The following USH2A variants were observed in gnomAD, a reference collection of about 807,000 sequenced individuals.
USH2A encodes the protein Usher syndrome 2A (autosomal recessive, mild).
USH2A carries 443 observed loss-of-function variants against 538.9 expected under a neutral mutation model. That is an observed-to-expected ratio of 0.82 (90% CI 0.76 to 0.89). The LOEUF (loss-of-function observed/expected upper bound fraction) is 0.89. Among genes scored for constraint, USH2A ranks in the 40% least tolerant of loss-of-function variants. The pLI is 0.00. For synonymous variants in USH2A, 2,413 were observed against 2,273.5 expected (o/e 1.06, Z -1.75); for missense variants, 6,633 against 6,324.8 (o/e 1.05, Z -1.65).
At chr1:215,714,063 T>A (rs1320899763) in intron 61 of USH2A, among the ~76,000 whole-genome samples, 1 of 152,206 alleles carries the variant, frequency 6.6e-6, no homozygotes, top group Non-Finnish European at 1.5e-5. Context: ...CCATAATATG[T>A]TTTATGTGGA....
intron 3 of USH2A, among the ~76,000 whole-genome samples, chr1:216,412,742 C>T (rs2039510552): frequency 6.7e-6 from 1 of 150,192 alleles, no homozygotes; most frequent in Non-Finnish European, 1.5e-5. Context: ...ATTTTAAAAA[C>T]TATTATTTAG....
intron 40 of USH2A, among the ~76,000 whole-genome samples, chr1:215,891,357 G>A (rs1166519182): frequency 1.3e-5 from 2 of 152,126 alleles, no homozygotes; most frequent in Non-Finnish European, 2.9e-5. Flanking sequence ...GAAGCTGAAA[G>A]CAGCTTAATT....
chr1:216,274,234 T>C (rs2036627351), intron 11 of USH2A, among the ~76,000 whole-genome samples: 1 of 152,128 alleles, frequency 6.6e-6, no homozygotes, highest in Non-Finnish European at 1.5e-5. Flanking sequence ...ACATAGCCTT[T>C]CTAAGCTTAG....
chr1:216,240,558 TG>T (rs1348318979), intron 13 of USH2A, among the ~76,000 whole-genome samples: 1 of 151,398 alleles, frequency 6.6e-6, no homozygotes, highest in Non-Finnish European at 1.5e-5. Flanking sequence ...AGAAAGAATC[TG>T]ATTAACATTG....
chr1:215,682,614 C>T (rs1395127587), intron 61 of USH2A, among the ~76,000 whole-genome samples: 1 of 152,034 alleles, frequency 6.6e-6, no homozygotes, highest in Non-Finnish European at 1.5e-5. Flanking sequence ...GCTTCCAAAC[C>T]TCCACCATCT....
intron 11 of USH2A, among the ~76,000 whole-genome samples, chr1:216,284,813 A>C (rs1238964971): frequency 1.3e-5 from 2 of 152,194 alleles, no homozygotes; most frequent in Non-Finnish European, 2.9e-5. Flanking sequence ...TGATATGGAC[A>C]ATAAAGGCCA....
rs112691477 is a variant in USH2A, at chr1:216,330,057, A to T, written c.785-2403T>A. 7.8e-4 allele frequency among the ~76,000 whole-genome samples: 119 copies of T among 152,204 alleles called. 1 individual carries two copies. Among genetic ancestry groups the T allele is most frequent in the Middle Eastern group, 3.4e-3 (1 of 294 alleles). The stretch of plus-strand genomic sequence containing the variant: ...CATTCATAATTTTGAAAGACTTACC[A>T]TAACTGAAAGACAGCAAAACTGATG... On this transcript the variant is annotated intron_variant, in intron 4 of 71. Transcript: ENST00000307340.
intron 61 of USH2A, among the ~76,000 whole-genome samples, chr1:215,687,618 A>G (rs1479740688): frequency 6.6e-6 from 1 of 152,150 alleles, no homozygotes; most frequent in Non-Finnish European, 1.5e-5. Flanking sequence ...TAAATTTGTG[A>G]TAATTAAATT....
chr1:216,179,006 C>T (rs2034441905), intron 20 of USH2A, among the ~76,000 whole-genome samples: 1 of 152,042 alleles, frequency 6.6e-6, no homozygotes, highest in Non-Finnish European at 1.5e-5. Context: ...AATATGCCTC[C>T]TATGCTTCTT....
At position 215,743,219 on chromosome 1, in the gene USH2A, G is replaced by C. The variant is rs371987720; in HGVS notation, c.11506C>G (p.Pro3836Ala). 1 of 1,612,508 alleles carries C rather than the reference G, an allele frequency of 6.2e-7. No individual in the cohort carries two copies. Among genetic ancestry groups the C allele is most frequent in the South Asian group, 1.1e-5 (1 of 91,030 alleles). ...HQSTLLENLT[P>A]FTQYEIRIQA... ...ATCCTTATCTCATACTGTGTGAATG[G>C]AGTCAAATTTTCCAGAAGGGTGGAT... The change falls in exon 59 of 72, where the codon CCA becomes GCA. Residue 3836 changes from proline (P) to alanine (A), a missense_variant. Physicochemically the swap from Pro to Ala is conservative, Grantham distance 27. Coordinates refer to ENST00000307340, the MANE Select transcript of USH2A (RefSeq NM_206933.4).
At position 216,174,690 on chromosome 1, in the gene USH2A, G is replaced by A. The variant is rs769348449; in HGVS notation, c.4627+562C>T. 632 of 986,534 alleles carry A rather than the reference G, an allele frequency of 6.4e-4. 2 individuals are homozygous for A. Among genetic ancestry groups the A allele is most frequent in the Admixed American group, 2.7e-3 (45 of 16,478 alleles). The allele number at this position is 986,534 out of a possible 1,614,324, so 61.1% of individuals were successfully genotyped here. ...CTTAGAGAAGTTATCTTTTCCCTGG[G>A]ATTAGTTTTCCCCACAATGTTCTTC... On this transcript the variant is annotated intron_variant, in intron 21 of 71. Transcript: ENST00000307340.
intron 46 of USH2A, among the ~76,000 whole-genome samples, chr1:215,842,557 C>T (rs1222436428): frequency 6.6e-6 from 1 of 152,098 alleles, no homozygotes; most frequent in Non-Finnish European, 1.5e-5. Context: ...TGGAATCAAC[C>T]CAAACGTCCA....
chr1:215,954,244 G>T (rs1243965590), intron 37 of USH2A, among the ~76,000 whole-genome samples: 2 of 152,022 alleles, frequency 1.3e-5, no homozygotes, highest in African/African-American at 4.8e-5. Flanking sequence ...AAATCATGCT[G>T]CTATAAAGAC....
chr1:216,365,318 A>G (rs563357167), intron 3 of USH2A, among the ~76,000 whole-genome samples: 2 of 152,106 alleles, frequency 1.3e-5, no homozygotes, highest in African/African-American at 4.8e-5. Context: ...TCACAGGTAT[A>G]CATAATAGTT....
chr1:215,765,948 T>C (rs1661116432), intron 56 of USH2A, among the ~76,000 whole-genome samples: 1 of 152,170 alleles, frequency 6.6e-6, no homozygotes, highest in Admixed American at 6.5e-5. Flanking sequence ...AACATCCTGG[T>C]GCATGCCTCC....
At chr1:215,894,654 C>G (rs1387133762) in intron 40 of USH2A, among the ~76,000 whole-genome samples, 9 of 152,172 alleles carry the variant, frequency 5.9e-5, no homozygotes, top group Admixed American at 5.9e-4. Context: ...CTAGCCAAGA[C>G]AGCAGCCAAT....
chr1:215,836,518 A>AT (rs1484491166), intron 47 of USH2A, among the ~76,000 whole-genome samples: 5 of 26,320 alleles, frequency 1.9e-4, no homozygotes, highest in African/African-American at 3.7e-4. Flanking sequence ...ATATATATAT[A>AT]ATATATATTA....
rs1238314101 is a variant in USH2A at position 216,250,934 on chromosome 1, TG to T, written c.2135del (p.Ser712Ter). 4.3e-6 allele frequency: 7 copies of T among 1,613,946 alleles called. No homozygotes were observed. The Admixed American group carries it at 1.0e-4, about 23-fold the overall frequency. ...VDGDITCHQN[S>X]GQCKCKANVI... ...CGTTTGCTTTGCACTTGCACTGGCC[TG>T]AATTTTGGTGACAGGTAATATCTCC... On this transcript the variant is annotated frameshift_variant, in exon 12 of 72. Transcript: ENST00000307340. LOFTEE classifies it high-confidence loss of function.
At chr1:215,732,580 T>C (rs1409166126) in intron 60 of USH2A, among the ~76,000 whole-genome samples, 2 of 117,440 alleles carry the variant, frequency 1.7e-5, no homozygotes, top group African/African-American at 5.9e-5. Context: ...TTTGCTCTGT[T>C]GCCCAGGCTG....
Sources: allele counts gnomAD v4.1 joint callset (sites outside exome capture counted in the v4.1 genomes callset), GRCh38; gene constraint gnomAD v4.1.1; transcripts MANE v1.5; gene names NCBI Gene and HGNC (gene_info 2026-07-23, HGNC 2026-07-21).